The following DNAJC17 variants were observed in gnomAD, a reference collection of about 807,000 sequenced individuals.
DNAJC17 encodes the protein DnaJ heat shock protein family (Hsp40) member C17.
A neutral mutation model predicts 48.1 loss-of-function variants in DNAJC17; 35 were observed. That is an observed-to-expected ratio of 0.73 (90% CI 0.56 to 0.96). The LOEUF is 0.96. Among genes scored for constraint, DNAJC17 ranks in the 50% least tolerant of loss-of-function variants. DNAJC17 has a pLI of 0.00. For synonymous variants in DNAJC17, 117 were observed against 142.7 expected (o/e 0.82, Z 1.28); for missense variants, 355 against 377.1 (o/e 0.94, Z 0.48).
intron 1 of DNAJC17, among the ~76,000 whole-genome samples, chr15:40,787,690 G>A (rs1429357651): frequency 6.6e-6 from 1 of 152,144 alleles, no homozygotes; most frequent in Non-Finnish European, 1.5e-5. Context: ...CCAGAGCAGG[G>A]GAGGAGGGCT....
intron 3 of DNAJC17, 111 bp from the exon 4 acceptor site, chr15:40,779,421 C>T (rs1596081185): frequency 6.5e-7 from 1 of 1,548,676 alleles, no homozygotes; most frequent in Non-Finnish European, 8.9e-7. Flanking sequence ...AGCCTGGTGA[C>T]TGGGTCTCCT....
rs769917880 is a variant in DNAJC17 at position 40,770,531 on chromosome 15, C to G, written c.793-2469G>C. ...GGCGGAAAGGCTCCTTCCGCAACGC[C>G]TCCTTCTTCAAGCAGCTGAGCCTGG... On this transcript the variant is annotated intron_variant, in intron 10 of 10. Coordinates refer to ENST00000220496, the MANE Select transcript of DNAJC17 (RefSeq NM_018163.3). This position sits in a 1 kb window ranked among gnomAD's most constrained non-coding sequence, Gnocchi z 5.0. 2 of 1,550,594 alleles carry G rather than the reference C, an allele frequency of 1.3e-6. No individual in the cohort carries two copies. The highest frequency in any genetic ancestry group is 3.9e-5 in the Admixed American group (2 of 50,998).
intron 1 of DNAJC17, among the ~76,000 whole-genome samples, chr15:40,788,922 T>C (rs908398766): frequency 3.3e-5 from 5 of 152,162 alleles, no homozygotes; most frequent in Non-Finnish European, 5.9e-5. Context: ...ATTGATCCTT[T>C]CATTCCTTAC....
At position 40,770,591 on chromosome 15, in the gene DNAJC17, G is replaced by C; in HGVS notation, c.793-2529C>G. On this transcript the variant is annotated intron_variant, in intron 10 of 10. Coordinates refer to ENST00000220496, the MANE Select transcript of DNAJC17 (RefSeq NM_018163.3). This position sits in a 1 kb window ranked among gnomAD's most constrained non-coding sequence, Gnocchi z 5.0. The stretch of plus-strand genomic sequence containing the variant: ...GGCGGCTCCGGCGACAGAGTAGTGT[G>C]CTTAGCCAGGCCAGCACAGCAGGTG... 1 of 1,550,710 alleles carries C rather than the reference G, an allele frequency of 6.4e-7. No individual in the cohort carries two copies. Among genetic ancestry groups the C allele is most frequent in the Non-Finnish European group, 8.7e-7 (1 of 1,146,982 alleles).
rs980062598 is a variant in DNAJC17 at position 40,770,691 on chromosome 15, C to T, written c.793-2629G>A. 2.6e-6 allele frequency: 4 copies of T among 1,548,362 alleles called. No individual in the cohort carries two copies. In the African/African-American group the frequency reaches 5.5e-5, roughly 21 times the overall value. The stretch of plus-strand genomic sequence containing the variant: ...GAGGCCAGATGGCCGGCGCCTGCCA[C>T]TGTGGGGGGACGAGCAGCCCCGGGC... On this transcript the variant is annotated intron_variant, in intron 10 of 10. Coordinates refer to ENST00000220496, the MANE Select transcript of DNAJC17 (RefSeq NM_018163.3). The surrounding 1 kb of genome is among the most constrained non-coding windows in gnomAD (Gnocchi z 5.0).
At chr15:40,783,705 A>G (rs760192836) in intron 1 of DNAJC17, among the ~76,000 whole-genome samples, 82 of 151,972 alleles carry the variant, frequency 5.4e-4, no homozygotes, top group Non-Finnish European at 9.3e-4. Context: ...TCTACTAAAA[A>G]TATAAAAATT....
At chr15:40,799,429 G>A (rs1338558847) in intron 1 of DNAJC17, among the ~76,000 whole-genome samples, 1 of 151,958 alleles carries the variant, frequency 6.6e-6, no homozygotes, top group Non-Finnish European at 1.5e-5. Context: ...AAATCCCCAT[G>A]AAAGGTGGTG....
chr15:40,804,687 T>C (rs573969396), intron 1 of DNAJC17, among the ~76,000 whole-genome samples: 1 of 151,990 alleles, frequency 6.6e-6, no homozygotes, highest in Non-Finnish European at 1.5e-5. Flanking sequence ...TCCTCAGGAG[T>C]TCTCAACTTC....
chr15:40,779,381 GGCCCCTA>G (rs1889417077), intron 3 of DNAJC17, 71 bp from the exon 4 acceptor site: 14 of 1,584,438 alleles, frequency 8.8e-6, no homozygotes, highest in Admixed American at 1.7e-5. Context: ...CAATCTGCCT[GGCCCCTA>G]GCCCACGAGC....
chr15:40,776,318 A>T, intron 5 of DNAJC17, 26 bp from the exon 6 acceptor site: 2 of 1,608,422 alleles, frequency 1.2e-6, no homozygotes, highest in Non-Finnish European at 1.7e-6. Flanking sequence ...TGGGGGTGAC[A>T]ATTCTGTGCA....
At chr15:40,787,758 T>A (rs886887714) in intron 1 of DNAJC17, among the ~76,000 whole-genome samples, 1 of 152,138 alleles carries the variant, frequency 6.6e-6, no homozygotes, top group Non-Finnish European at 1.5e-5. Flanking sequence ...CAGCAGGGCC[T>A]CTGACATCCA....
At chr15:40,800,410 T>A (rs746644787) in intron 1 of DNAJC17, among the ~76,000 whole-genome samples, 1 of 152,128 alleles carries the variant, frequency 6.6e-6, no homozygotes, top group Non-Finnish European at 1.5e-5. Context: ...ACTAGTGAAG[T>A]TGAGCATCTT....
intron 2 of DNAJC17, 54 bp downstream of exon 2, chr15:40,779,874 A>C: frequency 6.3e-7 from 1 of 1,575,048 alleles, no homozygotes; most frequent in Non-Finnish European, 8.7e-7. Flanking sequence ...ATCGGGAAAC[A>C]CAATGCCCGG....
chr15:40,791,140 T>A (rs1044877177), intron 1 of DNAJC17, among the ~76,000 whole-genome samples: 1 of 151,934 alleles, frequency 6.6e-6, no homozygotes, highest in Non-Finnish European at 1.5e-5. Flanking sequence ...GAGTTTGAGA[T>A]CAGCCTGGAC....
chr15:40,779,669 CAAAA>C, intron 2 of DNAJC17, 66 bp from the exon 3 acceptor site: 3 of 1,248,334 alleles, frequency 2.4e-6, no homozygotes, highest in Non-Finnish European at 3.3e-6. Flanking sequence ...TGTGCTCCCT[CAAAA>C]AAAAAAAAAA....
At chr15:40,776,463 C>A in intron 5 of DNAJC17, 79 bp downstream of exon 5, 1 of 1,559,212 alleles carries the variant, frequency 6.4e-7, no homozygotes, top group Admixed American at 1.7e-5. Flanking sequence ...CCTCTCTAGC[C>A]ACGGCGACCA....
Position 40,765,729 on chromosome 15 carries a change from A to G in DNAJC17, c.*2211T>C. On this transcript the variant is annotated 3_prime_UTR_variant, in exon 11 of 11. Transcript: ENST00000220496. ...GCTACTCTCTGTAGCCTTTACCTGA[A>G]CCTTACTCAGGGCTAGCAGGCAGGG... The G allele has an allele frequency of 1.8e-6, 1 of 543,240 alleles. No homozygotes were observed. Among genetic ancestry groups the G allele is most frequent in the Non-Finnish European group, 3.4e-6 (1 of 297,552 alleles). 33.7% of individuals were successfully genotyped at this position (543,240 alleles called of 1,614,324 possible).
rs905147792 is a variant in DNAJC17, at chr15:40,765,741, G to A, written c.*2199C>T. 47 of 587,842 alleles carry A rather than the reference G, an allele frequency of 8.0e-5. No homozygotes were observed. Among genetic ancestry groups the A allele is most frequent in the Non-Finnish European group, 1.1e-4 (35 of 327,352 alleles). 36.4% of individuals were successfully genotyped at this position (587,842 alleles called of 1,614,324 possible). A position where few individuals can be genotyped will look rare whatever the true frequency, so the allele number is the denominator to read the frequency against. On this transcript the variant is annotated 3_prime_UTR_variant, in exon 11 of 11. Transcript: ENST00000220496. ...AGCCTTTACCTGAACCTTACTCAGG[G>A]CTAGCAGGCAGGGGAGGAAGGACAG...
rs905741055 is a variant in DNAJC17, at chr15:40,767,741, T to C, written c.*199A>G. 2.3e-5 allele frequency: 17 copies of C among 726,902 alleles called. No individual in the cohort carries two copies. In the Admixed American group the frequency reaches 4.4e-4, roughly 19 times the overall value. 45.0% of individuals were successfully genotyped at this position (726,902 alleles called of 1,614,324 possible). A position where few individuals can be genotyped will look rare whatever the true frequency, so the allele number is the denominator to read the frequency against. On this transcript the variant is annotated 3_prime_UTR_variant, in exon 11 of 11. Transcript: ENST00000220496. ...CTGTGCTCTGCTTGTGCACGGACTC[T>C]GGGACTCTCACCCTGCGGAGCGTTT...
Sources: allele counts gnomAD v4.1 joint callset (sites outside exome capture counted in the v4.1 genomes callset), GRCh38; gene constraint gnomAD v4.1.1; non-coding constraint Gnocchi (gnomAD v3.1); transcripts MANE v1.5; gene names NCBI Gene and HGNC (gene_info 2026-07-23, HGNC 2026-07-21).